RABGAP1: variants seen among roughly 807,000 people sequenced by gnomAD.
RABGAP1 encodes the protein rab GTPase-activating protein 1.
Under a neutral mutation model 137.6 loss-of-function variants are expected in RABGAP1, and 23 were observed. The ratio of observed to expected loss-of-function variants is 0.17; its 90% CI spans 0.12 to 0.24. RABGAP1 has a LOEUF of 0.24. Among genes scored for constraint, RABGAP1 ranks in the 10% least tolerant of loss-of-function variants. The pLI is 1.00. For missense variants in RABGAP1, 906 were observed against 1,275.8 expected (o/e 0.71, Z 4.42); for synonymous variants, 451 against 450.7 (o/e 1.00, Z -0.01).
At chr9:122,959,126 C>T (rs539500076) in intron 2 of RABGAP1, among the ~76,000 whole-genome samples, 4 of 151,922 alleles carry the variant, frequency 2.6e-5, no homozygotes, top group African/African-American at 7.2e-5. Context: ...TAGAGAAGGT[C>T]TTGAGATGAC....
intron 10 of RABGAP1, among the ~76,000 whole-genome samples, chr9:122,999,919 A>C (rs1208028640): frequency 6.6e-6 from 1 of 151,724 alleles, no homozygotes; most frequent in Non-Finnish European, 1.5e-5. Flanking sequence ...CTTTAAGTTC[A>C]CTGATTTTTA....
intron 2 of RABGAP1, among the ~76,000 whole-genome samples, chr9:122,965,132 A>C (rs546603118): frequency 2.0e-5 from 3 of 152,368 alleles, no homozygotes; most frequent in African/African-American, 7.2e-5. Flanking sequence ...AACAAAATGT[A>C]GTATACAATG....
At chr9:122,985,942 A>G (rs1235702353) in intron 3 of RABGAP1, among the ~76,000 whole-genome samples, 1 of 152,206 alleles carries the variant, frequency 6.6e-6, no homozygotes, top group Non-Finnish European at 1.5e-5. Flanking sequence ...AGTGTCATGT[A>G]GGTACTCAAA....
At chr9:123,035,301 TCCTGATA>T in intron 13 of RABGAP1, 3 of 1,614,162 alleles carry the variant, frequency 1.9e-6, no homozygotes, top group Non-Finnish European at 2.5e-6. Flanking sequence ...TGCAGGCCTG[TCCTGATA>T]AGCGCTATGC....
At chr9:122,948,643 A>G (rs2131593694) in intron 1 of RABGAP1, among the ~76,000 whole-genome samples, 1 of 152,132 alleles carries the variant, frequency 6.6e-6, no homozygotes, top group Non-Finnish European at 1.5e-5. Context: ...CCATTTTTTC[A>G]CTGGTTGAGC....
Position 123,073,684 on chromosome 9 carries a change from A to G in RABGAP1, c.2109+7A>G. On this transcript the variant is annotated splice_region_variant and intron_variant, in intron 16 of 25. Transcript: ENST00000373647. The stretch of plus-strand genomic sequence containing the variant: ...GTTGGAGCGCCTCATGCAGGTAAAA[A>G]GAGAAACCAGCTTGTGTTTGACAAA... 7 of 1,613,702 alleles carry G rather than the reference A, an allele frequency of 4.3e-6. No individual in the cohort carries two copies. The highest frequency in any genetic ancestry group is 5.9e-6 in the Non-Finnish European group (7 of 1,179,752).
At chr9:123,086,383 C>G (rs2034865722) in intron 19 of RABGAP1, among the ~76,000 whole-genome samples, 1 of 152,176 alleles carries the variant, frequency 6.6e-6, no homozygotes, top group Non-Finnish European at 1.5e-5. Flanking sequence ...CAGGGGACAA[C>G]AATGAGTGAG....
At chr9:122,967,637 T>TC (rs1835234488) in intron 2 of RABGAP1, among the ~76,000 whole-genome samples, 1 of 152,232 alleles carries the variant, frequency 6.6e-6, no homozygotes, top group South Asian at 2.1e-4. Context: ...GACTTACTCT[T>TC]CCTGTTTCTA....
intron 13 of RABGAP1, among the ~76,000 whole-genome samples, chr9:123,027,241 G>A (rs528105072): frequency 3.0e-4 from 46 of 151,698 alleles, no homozygotes; most frequent in Middle Eastern, 3.5e-3. Flanking sequence ...ACAGCCTCCC[G>A]AGTAGCTGGG....
At chr9:122,995,756 A>G (rs1160150332) in intron 6 of RABGAP1, among the ~76,000 whole-genome samples, 1 of 151,962 alleles carries the variant, frequency 6.6e-6, no homozygotes, top group Non-Finnish European at 1.5e-5. Flanking sequence ...TTTAACAGAG[A>G]TGGGGTTTTA....
At chr9:122,998,466 A>G (rs1319721743) in intron 9 of RABGAP1, 131 bp from the exon 10 acceptor site, 10 of 729,164 alleles carry the variant, frequency 1.4e-5, no homozygotes, top group Non-Finnish European at 2.0e-5. Context: ...GTTATTTTAC[A>G]TGTTTAATTG....
At chr9:123,092,621 A>G (rs1435859247) in intron 21 of RABGAP1, among the ~76,000 whole-genome samples, 3 of 135,924 alleles carry the variant, frequency 2.2e-5, no homozygotes, top group African/African-American at 4.9e-5. Context: ...CTATGAATCA[A>G]TGTCATAACC....
intron 1 of RABGAP1, among the ~76,000 whole-genome samples, chr9:122,952,545 G>C (rs775180709): frequency 2.0e-5 from 3 of 152,106 alleles, no homozygotes; most frequent in Admixed American, 2.0e-4. Flanking sequence ...TGGGATTACA[G>C]ATGTGAGTCA....
chr9:123,059,185 C>T (rs925057323), intron 13 of RABGAP1, among the ~76,000 whole-genome samples: 1 of 152,094 alleles, frequency 6.6e-6, no homozygotes, highest in African/African-American at 2.4e-5. Context: ...CACGGTTGTG[C>T]CAGTAGAAGT....
rs188907710 is a variant in RABGAP1 at position 122,953,187 on chromosome 9, T to C, written c.-49-3824T>C. 5.3e-5 allele frequency among the ~76,000 whole-genome samples: 8 copies of C among 152,378 alleles called. No homozygotes were observed. The East Asian group carries it at 1.5e-3, about 29-fold the overall frequency. ...AGTATTTTAATTTGGATTACTTAAA[T>C]CAGTTAATAACTGTTAAATTTTTTT... On this transcript the variant is annotated intron_variant, in intron 1 of 25. Transcript: ENST00000373647.
chr9:123,086,454 C>T (rs1254654603), intron 19 of RABGAP1, among the ~76,000 whole-genome samples: 2 of 152,264 alleles, frequency 1.3e-5, no homozygotes, highest in African/African-American at 2.4e-5. Context: ...AGGTGCTGGC[C>T]TCTCCCAGAT....
intron 1 of RABGAP1, among the ~76,000 whole-genome samples, chr9:122,944,244 A>G (rs558620130): frequency 6.7e-6 from 1 of 149,182 alleles, no homozygotes; most frequent in Non-Finnish European, 1.5e-5. Context: ...TTTTTTTTTT[A>G]AAAGAGATAG....
intron 13 of RABGAP1, among the ~76,000 whole-genome samples, chr9:123,051,952 C>T (rs903044094): frequency 6.4e-5 from 9 of 140,042 alleles, no homozygotes; most frequent in African/African-American, 1.5e-4. Flanking sequence ...CCACCACGCC[C>T]GGCTAATTTT....
rs1328877531 is a variant in RABGAP1 at position 123,103,116 on chromosome 9, C to T, written c.3113C>T (p.Ala1038Val). The T allele has an allele frequency of 3.7e-6, 6 of 1,613,962 alleles. No homozygotes were observed. Among genetic ancestry groups the T allele is most frequent in the Non-Finnish European group, 4.2e-6 (5 of 1,179,980 alleles). Residue 1038 changes from alanine to valine, a missense_variant, in exon 26 of 26, where the codon GCC becomes GTC. Ala to Val is a moderately conservative substitution (Grantham distance 64). This residue lies in a region of RABGAP1 where 193 missense variants were observed against 248.1 expected (regional missense o/e 0.78). Transcript: ENST00000373647. ...GACTTGGAACACCATTTAGGGCTTGCCCTCAATGAGGTGCAGGCAGCCAAG... is the reference window on the plus strand; with the variant it reads ...GACTTGGAACACCATTTAGGGCTTGTCCTCAATGAGGTGCAGGCAGCCAAG... ...IQDLEHHLGL[A>V]LNEVQAAKKT...
Sources: gnomAD v4.1 joint callset for allele counts (sites outside exome capture counted in the v4.1 genomes callset) on GRCh38, gnomAD v4.1.1 for gene constraint, gnomAD v4.1.1 regional missense constraint, MANE v1.5 for transcripts, NCBI Gene and HGNC (gene_info 2026-07-23, HGNC 2026-07-21) for gene names.